Variants in RREB1 observed in about 807,000 individuals in gnomAD.
RREB1 encodes ras-responsive element-binding protein 1.
A neutral mutation model predicts 117.8 loss-of-function variants in RREB1; 27 were observed. That is an observed-to-expected ratio of 0.23 (90% CI 0.17 to 0.32). RREB1 has a LOEUF of 0.32. Ranked by LOEUF, RREB1 falls within the 10% of genes least tolerant of loss-of-function variation. The pLI is 1.00. For synonymous variants in RREB1, 1,298 were observed against 1,026.7 expected (o/e 1.26, Z -5.05); for missense variants, 2,577 against 2,378.2 (o/e 1.08, Z -1.74).
chr6:7,189,118 G>A, intron 5 of RREB1, 41 bp from the exon 6 acceptor site: 1 of 1,561,450 alleles, frequency 6.4e-7, no homozygotes, highest in Non-Finnish European at 8.7e-7. Context: ...AGCTTCTGAT[G>A]CACTTTCTTA....
At chr6:7,226,401 C>A in intron 8 of RREB1, 66 bp from the exon 9 acceptor site, 1 of 1,233,236 alleles carries the variant, frequency 8.1e-7, no homozygotes, top group Non-Finnish European at 1.1e-6. Context: ...AGTGGAAACT[C>A]TGACTTAACT....
At position 7,229,491 on chromosome 6, in the gene RREB1, C is replaced by A. The variant is rs147038452; in HGVS notation, c.1392C>A (p.Ala464=). The part of the protein sequence containing the change: ...IVVKPISGES[A]IELADIQQIL... ...TCAAGCCCATCTCTGGCGAGTCGGC[C>A]ATCGAGCTGGCAGACATCCAGCAAA... The change falls in exon 10 of 13, where the codon GCC becomes GCA. Residue 464 remains alanine, a synonymous_variant. Coordinates refer to ENST00000379938, the MANE Select transcript of RREB1 (RefSeq NM_001003699.4). The surrounding 1 kb of genome is among the most constrained non-coding windows in gnomAD (Gnocchi z 4.5). The A allele has an allele frequency of 2.0e-4, 321 of 1,614,058 alleles. No homozygotes were observed. Among genetic ancestry groups the A allele is most frequent in the Non-Finnish European group, 2.5e-4 (295 of 1,180,032 alleles).
intron 1 of RREB1, among the ~76,000 whole-genome samples, chr6:7,156,973 G>A (rs768385284): frequency 2.0e-5 from 3 of 152,108 alleles, no homozygotes; most frequent in South Asian, 2.1e-4. Flanking sequence ...CAGCTTCGTC[G>A]TCCCTGGCTG....
chr6:7,196,226 T>G (rs868614780), intron 6 of RREB1, among the ~76,000 whole-genome samples: 1 of 148,610 alleles, frequency 6.7e-6, no homozygotes, highest in South Asian at 2.1e-4. Flanking sequence ...TCGTTTTTTT[T>G]TTTTGTTTTT....
Position 7,229,581 on chromosome 6 carries a change from C to T in RREB1, c.1482C>T (p.Ala494=), listed in dbSNP as rs144329657. The T allele has an allele frequency of 1.6e-5, 25 of 1,611,926 alleles. No homozygotes were observed. The highest frequency in any genetic ancestry group is 2.7e-5 in the African/African-American group (2 of 74,926). ...TTCCGCCCTTCTCCAAGGCCCCTGC[C>T]GCCCCACTGCAGGCGATCTTCAAGC... The part of the protein sequence containing the change: ...ISLPPFSKAP[A]APLQAIFKHM... The change falls in exon 10 of 13, where the codon GCC becomes GCT. Residue 494 remains alanine (A), a synonymous_variant. Transcript: ENST00000379938. This position sits in a 1 kb window ranked among gnomAD's most constrained non-coding sequence, Gnocchi z 4.5.
chr6:7,245,168 G>T (rs1270576424), intron 11 of RREB1, among the ~76,000 whole-genome samples: 1 of 152,168 alleles, frequency 6.6e-6, no homozygotes, highest in African/African-American at 2.4e-5. Flanking sequence ...GGCTGAGGTG[G>T]GTAGATCGCC....
intron 1 of RREB1, among the ~76,000 whole-genome samples, chr6:7,151,999 G>A (rs1326940897): frequency 6.6e-6 from 1 of 152,156 alleles, no homozygotes; most frequent in Non-Finnish European, 1.5e-5. Flanking sequence ...TCAAAACGTT[G>A]GATATTCTCA....
intron 11 of RREB1, among the ~76,000 whole-genome samples, chr6:7,243,952 G>C (rs1055171955): frequency 1.3e-5 from 2 of 152,072 alleles, no homozygotes; most frequent in South Asian, 4.1e-4. Context: ...GAAGTAACCA[G>C]AGATTAAACC....
rs747198771 is a variant in RREB1, at chr6:7,251,489, C to CTTGTTTTTTTTTTT, written c.*2523_*2524insGTTTTTTTTTTTTT. ...GTTTTTTGAGGTGCAAGTTTTTTCT[C>CTTGTTTTTTTTTTT]TTTTTTTTTTTTTTTTTTTTTTCTC... On this transcript the variant is annotated 3_prime_UTR_variant, in exon 13 of 13. Transcript: ENST00000379938. 4.9e-5 allele frequency: 6 copies of CTTGTTTTTTTTTTT among 121,352 alleles called. 1 individual carries two copies. The highest frequency in any genetic ancestry group is 1.3e-4 in the African/African-American group (4 of 31,416). 7.5% of individuals were successfully genotyped at this position (121,352 alleles called of 1,614,324 possible).
chr6:7,181,153 CAA>C lies in RREB1; in HGVS notation c.-135_-134del, dbSNP rs1444341118. The C allele has an allele frequency of 7.5e-6, 3 of 398,432 alleles. No homozygotes were observed. Among genetic ancestry groups the C allele is most frequent in the South Asian group, 1.3e-4 (1 of 7,860 alleles). The allele number at this position is 398,432 out of a possible 1,614,324, so 24.7% of individuals were successfully genotyped here. A position where few individuals can be genotyped will look rare whatever the true frequency, so the allele number is the denominator to read the frequency against. ...AACGAGTACTACCAAGAGAAGAAGA[CAA>C]GAGGTCAACACAGACTCATTTTCTA... On this transcript the variant is annotated 5_prime_UTR_variant, in exon 3 of 13. Coordinates refer to ENST00000379938, the MANE Select transcript of RREB1 (RefSeq NM_001003699.4).
chr6:7,124,474 G>A (rs1470184054), intron 1 of RREB1, among the ~76,000 whole-genome samples: 1 of 152,142 alleles, frequency 6.6e-6, no homozygotes, highest in Admixed American at 6.6e-5. Flanking sequence ...TGCCTCTTGT[G>A]TCTCTTCAGG....
intron 1 of RREB1, among the ~76,000 whole-genome samples, chr6:7,141,481 G>A (rs1762586778): frequency 6.6e-6 from 1 of 151,778 alleles, no homozygotes; most frequent in Non-Finnish European, 1.5e-5. Flanking sequence ...CCGCCCCCCC[G>A]CCTTTTTTGG....
chr6:7,177,352 T>G (rs1764553822), intron 2 of RREB1, among the ~76,000 whole-genome samples: 1 of 150,618 alleles, frequency 6.6e-6, no homozygotes, highest in South Asian at 2.1e-4. Context: ...ACTTTGGACA[T>G]CTCTCTCTTT....
At chr6:7,166,371 T>TCA (rs1441376267) in intron 1 of RREB1, among the ~76,000 whole-genome samples, 3 of 152,264 alleles carry the variant, frequency 2.0e-5, no homozygotes, top group Non-Finnish European at 2.9e-5. Context: ...TAAACACTTA[T>TCA]CAACCACTTA....
intron 1 of RREB1, among the ~76,000 whole-genome samples, chr6:7,130,417 T>A (rs1181751034): frequency 6.6e-6 from 1 of 152,170 alleles, no homozygotes; most frequent in African/African-American, 2.4e-5. Context: ...GTTGCATTTG[T>A]CATTTCACAA....
At chr6:7,158,538 G>A (rs922030853) in intron 1 of RREB1, among the ~76,000 whole-genome samples, 6 of 152,012 alleles carry the variant, frequency 3.9e-5, no homozygotes, top group African/African-American at 7.3e-5. Flanking sequence ...TACTTCCTGG[G>A]TATCAGCTCC....
At chr6:7,138,155 G>A (rs1264374414) in intron 1 of RREB1, among the ~76,000 whole-genome samples, 1 of 152,146 alleles carries the variant, frequency 6.6e-6, no homozygotes. Flanking sequence ...AAAGAAAAAG[G>A]ACAGGCACTT....
intron 10 of RREB1, among the ~76,000 whole-genome samples, chr6:7,236,474 C>T (rs911296695): frequency 6.6e-6 from 1 of 152,170 alleles, no homozygotes; most frequent in Non-Finnish European, 1.5e-5. Flanking sequence ...TTGTATTTGG[C>T]TCCTTTTAGC....
chr6:7,240,333 A>AG, intron 10 of RREB1, 105 bp from the exon 11 acceptor site: 2 of 745,750 alleles, frequency 2.7e-6, no homozygotes. Flanking sequence ...GGGATGGAGG[A>AG]GGGGGGAACA....
Sources: allele counts gnomAD v4.1 joint callset (sites outside exome capture counted in the v4.1 genomes callset), GRCh38; gene constraint gnomAD v4.1.1; non-coding constraint Gnocchi (gnomAD v3.1); transcripts MANE v1.5; gene names NCBI Gene and HGNC (gene_info 2026-07-23, HGNC 2026-07-21).